Variants in MACROD2 observed in about 807,000 individuals in gnomAD.
MACROD2 encodes the protein ADP-ribose glycohydrolase MACROD2.
Under a neutral mutation model 70.4 loss-of-function variants are expected in MACROD2, and 36 were observed. That is an observed-to-expected ratio of 0.51 (90% CI 0.39 to 0.68). The LOEUF (loss-of-function observed/expected upper bound fraction) is 0.68. MACROD2 is among the 30% of genes least tolerant of loss of function. The pLI is 0.00. For missense variants in MACROD2, 496 were observed against 538.4 expected (o/e 0.92, Z 0.78); for synonymous variants, 172 against 178.8 (o/e 0.96, Z 0.30).
chr20:14,346,943 A>G (rs563107615), intron 3 of MACROD2, among the ~76,000 whole-genome samples: 5 of 152,326 alleles, frequency 3.3e-5, no homozygotes, highest in Admixed American at 6.5e-5. Context: ...CCACTTATAC[A>G]TAGATTATAG....
chr20:14,267,112 G>A (rs2082150720), intron 3 of MACROD2, among the ~76,000 whole-genome samples: 1 of 152,088 alleles, frequency 6.6e-6, no homozygotes, highest in African/African-American at 2.4e-5. Context: ...TCACTAGAAA[G>A]GACAAATGAT....
At chr20:15,150,147 G>A (rs542994072) in intron 5 of MACROD2, among the ~76,000 whole-genome samples, 2 of 152,128 alleles carry the variant, frequency 1.3e-5, no homozygotes, top group South Asian at 4.1e-4. Context: ...AACAGATGAG[G>A]AAGAAATTTG....
intron 3 of MACROD2, among the ~76,000 whole-genome samples, chr20:14,235,940 T>A (rs1310521884): frequency 2.6e-5 from 4 of 152,086 alleles, no homozygotes; most frequent in Non-Finnish European, 5.9e-5. Flanking sequence ...ACTGTTTTTT[T>A]AATTATAACT....
At chr20:15,270,985 A>G (rs1053579472) in intron 6 of MACROD2, among the ~76,000 whole-genome samples, 1 of 152,188 alleles carries the variant, frequency 6.6e-6, no homozygotes, top group Non-Finnish European at 1.5e-5. Context: ...TTATAATGAC[A>G]TAGGCTAGTT....
chr20:16,015,640 A>T lies in MACROD2; in HGVS notation c.1154-25561A>T, dbSNP rs548593064. Among the ~76,000 whole-genome samples, 8 of 152,302 alleles carry T rather than the reference A, an allele frequency of 5.3e-5. No individual in the cohort carries two copies. In the South Asian group the frequency reaches 1.7e-3, roughly 32 times the overall value. On this transcript the variant is annotated intron_variant, in intron 15 of 17. Transcript: ENST00000684519. ...TCCTTACAATGAGTCTTTCTTCCCA[A>T]AGTAGCCTTTGTGATTAATCTTTTA...
intron 3 of MACROD2, among the ~76,000 whole-genome samples, chr20:14,367,047 T>C (rs1268419699): frequency 6.6e-6 from 1 of 152,192 alleles, no homozygotes; most frequent in Non-Finnish European, 1.5e-5. Context: ...TTTTCCATTT[T>C]CTTTTGTGTA....
intron 8 of MACROD2, among the ~76,000 whole-genome samples, chr20:15,544,087 G>A (rs548124550): frequency 6.6e-6 from 1 of 152,272 alleles, no homozygotes; most frequent in East Asian, 1.9e-4. Flanking sequence ...ATACAGAGTC[G>A]GGGAAGAAGA....
intron 4 of MACROD2, among the ~76,000 whole-genome samples, chr20:14,659,600 C>G (rs1986131165): frequency 6.6e-6 from 1 of 152,002 alleles, no homozygotes; most frequent in African/African-American, 2.4e-5. Flanking sequence ...TTTTTTCTCT[C>G]TACCCTCCTC....
chr20:15,213,076 CACA>C (rs1161180217), intron 5 of MACROD2, among the ~76,000 whole-genome samples: 1 of 152,140 alleles, frequency 6.6e-6, no homozygotes, highest in Non-Finnish European at 1.5e-5. Context: ...AGTGAGAACA[CACA>C]ACAACAAGGG....
At chr20:14,114,584 T>G (rs941097401) in intron 3 of MACROD2, among the ~76,000 whole-genome samples, 1 of 152,082 alleles carries the variant, frequency 6.6e-6, no homozygotes, top group African/African-American at 2.4e-5. Flanking sequence ...TGACATGAAC[T>G]GTTACATTTT....
At chr20:14,466,323 C>A (rs2084447816) in intron 3 of MACROD2, among the ~76,000 whole-genome samples, 1 of 152,060 alleles carries the variant, frequency 6.6e-6, no homozygotes. Flanking sequence ...CAGTTGATTG[C>A]ATTGGTTACT....
Position 15,166,463 on chromosome 20 carries a change from C to T in MACROD2, c.419-63477C>T, listed in dbSNP as rs191731816. Among the ~76,000 whole-genome samples the T allele has an allele frequency of 2.0e-5, 3 of 152,280 alleles. No homozygotes were observed. In the East Asian group the frequency reaches 5.8e-4, roughly 29 times the overall value. ...CCCAAGCAGCCTGGCATCTTAATCTCTTCCAGCCTGAAGAATGTAAAAAAT... is the reference window on the plus strand; with the variant it reads ...CCCAAGCAGCCTGGCATCTTAATCTTTTCCAGCCTGAAGAATGTAAAAAAT... On this transcript the variant is annotated intron_variant, in intron 5 of 17. Transcript: ENST00000684519.
chr20:14,779,540 G>A (rs576812018), intron 5 of MACROD2, among the ~76,000 whole-genome samples: 25 of 152,048 alleles, frequency 1.6e-4, no homozygotes, highest in Middle Eastern at 3.4e-3. Context: ...TGACTCTACC[G>A]CTTTCTATTA....
rs188573870 is a variant in MACROD2 at position 15,517,776 on chromosome 20, C to T, written c.645+17929C>T. 7.8e-3 allele frequency among the ~76,000 whole-genome samples: 1,188 copies of T among 152,242 alleles called. 2 individuals are homozygous for T. The highest frequency in any genetic ancestry group is 0.012 in the Non-Finnish European group (786 of 68,014). On this transcript the variant is annotated intron_variant, in intron 8 of 17. Transcript: ENST00000684519. ...GGGTCCCTTGGCCCTCTCACTCTTT[C>T]CTGGCCCCTCAGCAGAAATAAAACA...
At chr20:15,336,409 A>T (rs1054521579) in intron 6 of MACROD2, among the ~76,000 whole-genome samples, 2 of 149,934 alleles carry the variant, frequency 1.3e-5, no homozygotes, top group African/African-American at 5.0e-5. Context: ...TGTGGAATTG[A>T]TCTTTTGTTT....
chr20:15,335,762 C>T lies in MACROD2; in HGVS notation c.541-95643C>T, dbSNP rs1289762283. ...GTAGAAACACACACACGCACAGACA[C>T]ACATACACACACATATTTAGCAGGT... On this transcript the variant is annotated intron_variant, in intron 6 of 17. Coordinates refer to ENST00000684519, the MANE Select transcript of MACROD2 (RefSeq NM_001351661.2). 2.6e-5 allele frequency among the ~76,000 whole-genome samples: 4 copies of T among 151,688 alleles called. No individual in the cohort carries two copies. In the East Asian group the frequency reaches 7.7e-4, roughly 29 times the overall value.
intron 5 of MACROD2, among the ~76,000 whole-genome samples, chr20:15,050,932 A>G (rs192021209): frequency 6.6e-6 from 1 of 152,142 alleles, no homozygotes; most frequent in Admixed American, 6.5e-5. Context: ...TTATGGAAGG[A>G]TTTTATTATA....
At chr20:15,100,165 G>A (rs890091175) in intron 5 of MACROD2, among the ~76,000 whole-genome samples, 1 of 152,004 alleles carries the variant, frequency 6.6e-6, no homozygotes, top group African/African-American at 2.4e-5. Context: ...TTGAACTCCT[G>A]GATTCAAGCA....
chr20:14,757,817 C>T, intron 5 of MACROD2: 1 of 1,530,404 alleles, frequency 6.5e-7, no homozygotes, highest in Non-Finnish European at 9.0e-7. Context: ...TCATCTGCCC[C>T]CGGAGATTGT....
Sources: gnomAD v4.1 joint callset for allele counts (sites outside exome capture counted in the v4.1 genomes callset) on GRCh38, gnomAD v4.1.1 for gene constraint, MANE v1.5 for transcripts, NCBI Gene and HGNC (gene_info 2026-07-23, HGNC 2026-07-21) for gene names.